Variants in GRIA1 observed in about 807,000 individuals in gnomAD.
GRIA1 encodes glutamate receptor 1.
GRIA1 carries 31 observed loss-of-function variants against 99.2 expected under a neutral mutation model. That is an observed-to-expected ratio of 0.31 (90% CI 0.23 to 0.42). The LOEUF (loss-of-function observed/expected upper bound fraction) is 0.42. GRIA1 is among the 10% of genes least tolerant of loss of function. The pLI, the probability that GRIA1 is intolerant of heterozygous loss-of-function variation, is 1.00. For missense variants in GRIA1, 782 were observed against 1,157.5 expected (o/e 0.68, Z 4.71); for synonymous variants, 438 against 432.4 (o/e 1.01, Z -0.16).
chr5:153,529,896 G>A (rs1391173765), intron 2 of GRIA1, among the ~76,000 whole-genome samples: 1 of 152,054 alleles, frequency 6.6e-6, no homozygotes, highest in Non-Finnish European at 1.5e-5. Flanking sequence ...GTAATCTTGG[G>A]CAATATGCTT....
chr5:153,517,855 C>A (rs1045351972), intron 2 of GRIA1, among the ~76,000 whole-genome samples: 31 of 152,190 alleles, frequency 2.0e-4, no homozygotes, highest in Admixed American at 7.2e-4. Context: ...ACGTATTGAG[C>A]TGAACATTCC....
At chr5:153,691,782 C>T (rs80243228) in intron 8 of GRIA1, among the ~76,000 whole-genome samples, 11,661 of 152,262 alleles carry the variant, frequency 0.077, 603 homozygotes, top group South Asian at 0.16. Flanking sequence ...CCATCTTCCA[C>T]ACACCACACA....
chr5:153,584,728 T>C (rs1370471463), intron 2 of GRIA1, among the ~76,000 whole-genome samples: 1 of 152,222 alleles, frequency 6.6e-6, no homozygotes, highest in East Asian at 1.9e-4. Context: ...TTTATGCCAT[T>C]GTACAAGGCA....
intron 11 of GRIA1, among the ~76,000 whole-genome samples, chr5:153,752,832 T>C (rs1581597652): frequency 6.6e-6 from 1 of 152,196 alleles, no homozygotes; most frequent in Non-Finnish European, 1.5e-5. Flanking sequence ...ATCAGTTCAG[T>C]TTAAGACACA....
chr5:153,646,941 C>A lies in GRIA1; in HGVS notation c.234C>A (p.Phe78Leu). The A allele has an allele frequency of 6.2e-7, 1 of 1,613,850 alleles. No individual in the cohort carries two copies. Among genetic ancestry groups the A allele is most frequent in the Non-Finnish European group, 8.5e-7 (1 of 1,179,806 alleles). ...CTTCTCTTGTAGTCTGTTCCCAGTT[C>A]TCCAAAGGAGTCTATGCCATCTTTG... is the stretch of plus-strand genomic sequence containing the variant. ...FEMTYRFCSQFSKGVYAIFGF... is the reference protein window; with the variant it reads ...FEMTYRFCSQLSKGVYAIFGF... The change falls in exon 3 of 16, where the codon TTC becomes TTA. Residue 78 changes from phenylalanine (F) to leucine (L), a missense_variant. By Grantham distance (22) the Phe-to-Leu change is conservative. This residue lies in a region of GRIA1 where 461 missense variants were observed against 521.7 expected (regional missense o/e 0.88). Coordinates refer to ENST00000285900, the MANE Select transcript of GRIA1 (RefSeq NM_000827.4).
At chr5:153,546,186 A>T (rs948255731) in intron 2 of GRIA1, among the ~76,000 whole-genome samples, 32 of 152,294 alleles carry the variant, frequency 2.1e-4, no homozygotes, top group African/African-American at 7.7e-4. Flanking sequence ...AGACTTACTA[A>T]GGTAGAGGCA....
At chr5:153,609,522 A>G (rs1362706513) in intron 2 of GRIA1, among the ~76,000 whole-genome samples, 1 of 145,652 alleles carries the variant, frequency 6.9e-6, no homozygotes, top group Non-Finnish European at 1.5e-5. Flanking sequence ...ACCTTAGCCC[A>G]GTGACTTTGG....
chr5:153,746,631 G>A (rs1428663650), intron 11 of GRIA1, among the ~76,000 whole-genome samples: 1 of 152,162 alleles, frequency 6.6e-6, no homozygotes, highest in Admixed American at 6.5e-5. Context: ...CTGAAAATGA[G>A]CTGATGGATC....
chr5:153,722,477 T>C (rs559594271), intron 11 of GRIA1, among the ~76,000 whole-genome samples: 1 of 152,334 alleles, frequency 6.6e-6, no homozygotes, highest in South Asian at 2.1e-4. Context: ...AGGTGTTCTA[T>C]AGGTATGTGT....
intron 11 of GRIA1, among the ~76,000 whole-genome samples, chr5:153,742,471 C>T (rs761772963): frequency 2.0e-5 from 3 of 152,170 alleles, no homozygotes; most frequent in Non-Finnish European, 4.4e-5. Flanking sequence ...AGTTCTGTAG[C>T]TCAAAAGTCC....
intron 2 of GRIA1, among the ~76,000 whole-genome samples, chr5:153,497,044 T>C (rs1409498191): frequency 6.6e-6 from 1 of 151,442 alleles, no homozygotes; most frequent in Non-Finnish European, 1.5e-5. Flanking sequence ...TGAGGAGAGG[T>C]GGTTATATGG....
At chr5:153,675,951 A>C (rs1368516066) in intron 6 of GRIA1, among the ~76,000 whole-genome samples, 2 of 150,810 alleles carry the variant, frequency 1.3e-5, no homozygotes, top group African/African-American at 4.9e-5. Context: ...CCACCTCCCG[A>C]GTTCACGCCA....
intron 10 of GRIA1, among the ~76,000 whole-genome samples, chr5:153,702,842 T>C (rs1156829516): frequency 6.6e-6 from 1 of 152,252 alleles, no homozygotes; most frequent in Non-Finnish European, 1.5e-5. Context: ...TCATGTATTT[T>C]GAATTATCTT....
chr5:153,704,666 C>T (rs1279086355), intron 10 of GRIA1, among the ~76,000 whole-genome samples: 1 of 152,190 alleles, frequency 6.6e-6, no homozygotes, highest in Non-Finnish European at 1.5e-5. Flanking sequence ...TCCCATGGTT[C>T]CCTCCTCCTG....
At chr5:153,742,317 G>A (rs4129128) in intron 11 of GRIA1, among the ~76,000 whole-genome samples, 56,334 of 151,988 alleles carry the variant, frequency 0.37, 11,492 homozygotes, top group East Asian at 0.93. Context: ...CAATAGTCAC[G>A]AGAAGTAGCA....
At chr5:153,735,313 C>A (rs1250699683) in intron 11 of GRIA1, among the ~76,000 whole-genome samples, 1 of 152,200 alleles carries the variant, frequency 6.6e-6, no homozygotes, top group African/African-American at 2.4e-5. Flanking sequence ...AAGAGCCAAG[C>A]TCCCCAAGTG....
At chr5:153,535,823 T>C (rs546773447) in intron 2 of GRIA1, among the ~76,000 whole-genome samples, 8 of 152,326 alleles carry the variant, frequency 5.3e-5, no homozygotes, top group South Asian at 2.1e-4. Flanking sequence ...CTTTTGATTC[T>C]TTTTCCCTTA....
chr5:153,650,649 T>G (rs1754496669), intron 4 of GRIA1, 135 bp downstream of exon 4: 6 of 747,070 alleles, frequency 8.0e-6, no homozygotes, highest in Non-Finnish European at 1.3e-5. Context: ...GACCTCTATC[T>G]CATTTTCTAT....
At chr5:153,802,197 T>C (rs189946455) in intron 14 of GRIA1, among the ~76,000 whole-genome samples, 159 bp from the exon 15 acceptor site, 39 of 152,260 alleles carry the variant, frequency 2.6e-4, no homozygotes, top group African/African-American at 9.1e-4. Flanking sequence ...TGTTTAACAC[T>C]TGGTCAATGA....
Sources: allele counts gnomAD v4.1 joint callset (sites outside exome capture counted in the v4.1 genomes callset), GRCh38; gene constraint gnomAD v4.1.1; regional missense constraint gnomAD v4.1.1; transcripts MANE v1.5; gene names NCBI Gene and HGNC (gene_info 2026-07-23, HGNC 2026-07-21).